Variants in WWOX observed in about 807,000 individuals in gnomAD.
WWOX encodes the protein WW domain-containing oxidoreductase.
A neutral mutation model predicts 46.2 loss-of-function variants in WWOX; 69 were observed. That is an observed-to-expected ratio of 1.49 (90% confidence interval 1.23 to 1.82). WWOX has a LOEUF of 1.82. Among genes scored for constraint, WWOX ranks in the 40% most tolerant of loss-of-function variants. The probability of loss-of-function intolerance (pLI) is 0.00; values close to 1 mark genes in which losing one functional copy is unlikely to be tolerated. For synonymous variants in WWOX, 359 were observed against 202.6 expected, an observed-to-expected ratio of 1.77 and a Z score of -6.56; for missense variants, 919 against 542.6, an observed-to-expected ratio of 1.69 and a Z score of -6.89.
At chr16:78,311,876 T>G (rs1426172456) in intron 5 of WWOX, among the ~76,000 whole-genome samples, 1 of 152,186 alleles carries the variant, frequency 6.6e-6, no homozygotes, top group African/African-American at 2.4e-5. Context: ...TTCTTAAAGT[T>G]CTGGAGGTCA....
Position 78,432,723 on chromosome 16 carries a change from A to G in WWOX, c.1027A>G (p.Thr343Ala). The G allele has an allele frequency of 3.1e-6, 5 of 1,614,120 alleles. No homozygotes were observed. Among genetic ancestry groups the G allele is most frequent in the Non-Finnish European group, 3.4e-6 (4 of 1,180,022 alleles). ...RSWWVYTLLF[T>A]LARPFTKSMQ... ...CTGGTGGGTGTACACACTGCTGTTT[A>G]CCTTGGCGAGGCCTTTCACCAAGTC... Residue 343 changes from threonine (T) to alanine (A), a missense_variant, in exon 8 of 9, where the codon ACC becomes GCC. Transcript: ENST00000566780.
At chr16:78,122,459 C>A (rs1040961062) in intron 4 of WWOX, among the ~76,000 whole-genome samples, 1 of 152,044 alleles carries the variant, frequency 6.6e-6, no homozygotes, top group Non-Finnish European at 1.5e-5. Flanking sequence ...GATTTTTGTT[C>A]TACTTGAGGT....
At chr16:78,959,071 A>G (rs1280032436) in intron 8 of WWOX, among the ~76,000 whole-genome samples, 1 of 152,188 alleles carries the variant, frequency 6.6e-6, no homozygotes, top group Non-Finnish European at 1.5e-5. Context: ...ATGCTTGTCT[A>G]CCCACTTTTT....
intron 8 of WWOX, among the ~76,000 whole-genome samples, chr16:79,006,654 C>T (rs1009595684): frequency 2.0e-5 from 3 of 152,168 alleles, no homozygotes; most frequent in Non-Finnish European, 2.9e-5. Flanking sequence ...AGGAGTCCAA[C>T]ACAGGTCTCA....
At chr16:78,955,785 C>G (rs2046153853) in intron 8 of WWOX, among the ~76,000 whole-genome samples, 1 of 150,960 alleles carries the variant, frequency 6.6e-6, no homozygotes, top group Non-Finnish European at 1.5e-5. Flanking sequence ...GTAGCTGGGA[C>G]TACGGTTGTA....
intron 8 of WWOX, among the ~76,000 whole-genome samples, chr16:78,956,039 G>T (rs1383413805): frequency 2.0e-5 from 3 of 151,866 alleles, no homozygotes; most frequent in Non-Finnish European, 2.9e-5. Context: ...GTTTTAGTTG[G>T]GGAGCCAAAA....
intron 8 of WWOX, among the ~76,000 whole-genome samples, chr16:78,812,179 T>C (rs1203194855): frequency 6.6e-6 from 1 of 151,960 alleles, no homozygotes; most frequent in Non-Finnish European, 1.5e-5. Flanking sequence ...GTGTCCTAAC[T>C]TGGCACTGTA....
At chr16:78,931,985 C>A (rs774051316) in intron 8 of WWOX, among the ~76,000 whole-genome samples, 2 of 152,224 alleles carry the variant, frequency 1.3e-5, no homozygotes, top group Non-Finnish European at 1.5e-5. Context: ...CTCTTGCCTG[C>A]TGCCATTTAA....
chr16:78,376,278 G>A (rs1441807625), intron 5 of WWOX, among the ~76,000 whole-genome samples: 1 of 152,194 alleles, frequency 6.6e-6, no homozygotes, highest in Non-Finnish European at 1.5e-5. Flanking sequence ...CAAAGCTAGT[G>A]AAGTATGTGG....
intron 8 of WWOX, among the ~76,000 whole-genome samples, chr16:78,541,555 C>G (rs1303268314): frequency 2.1e-5 from 3 of 142,322 alleles, no homozygotes; most frequent in Non-Finnish European, 4.5e-5. Context: ...GAGATATCTA[C>G]AGTGCTTGTC....
intron 5 of WWOX, among the ~76,000 whole-genome samples, chr16:78,352,171 C>T (rs2081199231): frequency 6.6e-6 from 1 of 152,234 alleles, no homozygotes; most frequent in African/African-American, 2.4e-5. Flanking sequence ...ACCTTGGCTT[C>T]TCTGTCTTCA....
At chr16:78,846,307 G>T (rs553798611) in intron 8 of WWOX, among the ~76,000 whole-genome samples, 1 of 152,244 alleles carries the variant, frequency 6.6e-6, no homozygotes, top group South Asian at 2.1e-4. Flanking sequence ...GACTATAACT[G>T]ACCAACAGAC....
intron 5 of WWOX, among the ~76,000 whole-genome samples, chr16:78,317,778 C>T (rs1455335907): frequency 6.6e-6 from 1 of 152,086 alleles, no homozygotes; most frequent in African/African-American, 2.4e-5. Context: ...GCATTTTATT[C>T]CCCCAACAGT....
intron 5 of WWOX, among the ~76,000 whole-genome samples, chr16:78,215,106 T>G (rs774545513): frequency 4.0e-5 from 6 of 151,788 alleles, no homozygotes; most frequent in Non-Finnish European, 8.8e-5. Flanking sequence ...GGATGGAAGA[T>G]TGCATGATAT....
At chr16:78,519,997 A>G (rs963942117) in intron 8 of WWOX, among the ~76,000 whole-genome samples, 28 of 152,210 alleles carry the variant, frequency 1.8e-4, no homozygotes, top group Admixed American at 9.8e-4. Context: ...GTATTGTAGT[A>G]TGGTTTTCCA....
intron 8 of WWOX, among the ~76,000 whole-genome samples, chr16:78,991,853 C>A (rs577744736): frequency 6.6e-6 from 1 of 152,116 alleles, no homozygotes; most frequent in Non-Finnish European, 1.5e-5. Context: ...CTTCAGACTC[C>A]TGTCCATGTG....
At chr16:78,914,607 C>T (rs933164338) in intron 8 of WWOX, among the ~76,000 whole-genome samples, 4 of 151,948 alleles carry the variant, frequency 2.6e-5, no homozygotes, top group East Asian at 1.9e-4. Context: ...AGGCCGGGAG[C>T]AGCGGCTCAC....
At chr16:78,356,552 G>A (rs193023627) in intron 5 of WWOX, among the ~76,000 whole-genome samples, 5 of 152,098 alleles carry the variant, frequency 3.3e-5, no homozygotes, top group African/African-American at 9.7e-5. Context: ...CAGGGCAGTG[G>A]GACAGAGAGG....
intron 8 of WWOX, among the ~76,000 whole-genome samples, chr16:79,184,733 C>G (rs990177442): frequency 1.4e-4 from 21 of 152,174 alleles, no homozygotes; most frequent in African/African-American, 4.8e-4. Flanking sequence ...TCTAGGAAGA[C>G]AAATAGCCAA....
Sources: gnomAD v4.1 joint callset for allele counts (sites outside exome capture counted in the v4.1 genomes callset) on GRCh38, gnomAD v4.1.1 for gene constraint, MANE v1.5 for transcripts, NCBI Gene and HGNC (gene_info 2026-07-23, HGNC 2026-07-21) for gene names.